Variants in STK32B observed in about 807,000 individuals in gnomAD.
STK32B encodes serine/threonine kinase 32B, also known as serine/threonine-protein kinase 32B.
In STK32B, 43 loss-of-function variants were observed where a neutral mutation model predicts 52.6. The observed-to-expected ratio is 0.82, with a 90% CI of 0.64 to 1.05. The LOEUF (loss-of-function observed/expected upper bound fraction) is 1.05, where lower values mean the gene tolerates loss of function less well. Ranked by LOEUF, STK32B falls within the 50% of genes least tolerant of loss-of-function variation. The probability of loss-of-function intolerance (pLI) is 0.00; values close to 1 mark genes in which losing one functional copy is unlikely to be tolerated. For synonymous variants in STK32B, 238 were observed against 204.3 expected, an observed-to-expected ratio of 1.17 and a Z score of -1.41; for missense variants, 621 against 534.6, an observed-to-expected ratio of 1.16 and a Z score of -1.59.
intron 3 of STK32B, among the ~76,000 whole-genome samples, chr4:5,320,336 T>C (rs1029679898): frequency 2.0e-5 from 3 of 152,186 alleles, no homozygotes; most frequent in Non-Finnish European, 4.4e-5. Flanking sequence ...ATTTTCTTGG[T>C]CCAGTGCCTC....
At chr4:5,230,344 C>T (rs1478548386) in intron 3 of STK32B, among the ~76,000 whole-genome samples, 1 of 151,840 alleles carries the variant, frequency 6.6e-6, no homozygotes, top group Non-Finnish European at 1.5e-5. Flanking sequence ...CGCCTGCCAC[C>T]ACGCTTGGTT....
chr4:5,221,855 A>T (rs1356020982), intron 3 of STK32B, among the ~76,000 whole-genome samples: 1 of 4,752 alleles, frequency 2.1e-4, no homozygotes, highest in Non-Finnish European at 5.0e-4. Context: ...ACTCTGTCTC[A>T]AAAAAAAAAA....
At chr4:5,309,355 T>A (rs985769304) in intron 3 of STK32B, among the ~76,000 whole-genome samples, 8 of 149,046 alleles carry the variant, frequency 5.4e-5, no homozygotes, top group African/African-American at 1.8e-4. Flanking sequence ...AAAATACCAA[T>A]GACATTCATC....
At chr4:5,465,119 C>T (rs561205149) in intron 9 of STK32B, among the ~76,000 whole-genome samples, 31 of 152,258 alleles carry the variant, frequency 2.0e-4, no homozygotes, top group Middle Eastern at 3.4e-3. Flanking sequence ...GAGGCCCAGC[C>T]TCTAGGACTG....
chr4:5,311,206 C>T (rs1283034691), intron 3 of STK32B, among the ~76,000 whole-genome samples: 1 of 152,110 alleles, frequency 6.6e-6, no homozygotes, highest in Non-Finnish European at 1.5e-5. Flanking sequence ...TATATTTTCA[C>T]ATACCTGGAA....
At chr4:5,057,552 G>A (rs952476595) in intron 1 of STK32B, among the ~76,000 whole-genome samples, 5 of 152,282 alleles carry the variant, frequency 3.3e-5, no homozygotes, top group Middle Eastern at 3.4e-3. Flanking sequence ...TTATGGGATC[G>A]TAAAGGGGCC....
At chr4:5,128,796 T>C (rs1462784853) in intron 1 of STK32B, among the ~76,000 whole-genome samples, 1 of 152,196 alleles carries the variant, frequency 6.6e-6, no homozygotes, top group Non-Finnish European at 1.5e-5. Flanking sequence ...CTCTGGCTGC[T>C]ACCGGCTCAG....
At chr4:5,085,227 A>C (rs985729051) in intron 1 of STK32B, among the ~76,000 whole-genome samples, 2 of 152,228 alleles carry the variant, frequency 1.3e-5, no homozygotes. Flanking sequence ...TTGTGTATAA[A>C]ATAGGAAATA....
At chr4:5,459,643 A>C (rs1716874781) in intron 8 of STK32B, among the ~76,000 whole-genome samples, 1 of 152,228 alleles carries the variant, frequency 6.6e-6, no homozygotes, top group African/African-American at 2.4e-5. Context: ...CCCCTTGGCT[A>C]CAAATGAGGC....
At chr4:5,068,266 T>C (rs1385072543) in intron 1 of STK32B, among the ~76,000 whole-genome samples, 1 of 152,138 alleles carries the variant, frequency 6.6e-6, no homozygotes, top group African/African-American at 2.4e-5. Flanking sequence ...TAGTTTTTCA[T>C]CCCTCACTCC....
chr4:5,178,513 A>G (rs1720100520), intron 3 of STK32B, among the ~76,000 whole-genome samples: 1 of 152,178 alleles, frequency 6.6e-6, no homozygotes, highest in Non-Finnish European at 1.5e-5. Context: ...TACTTATGCA[A>G]ATTTCTACAG....
At chr4:5,079,888 A>T (rs1044105969) in intron 1 of STK32B, among the ~76,000 whole-genome samples, 2 of 152,102 alleles carry the variant, frequency 1.3e-5, no homozygotes, top group Non-Finnish European at 2.9e-5. Context: ...CCATGATCTC[A>T]CTTATATGTG....
At chr4:5,408,238 C>G (rs912538898) in intron 5 of STK32B, among the ~76,000 whole-genome samples, 4 of 152,162 alleles carry the variant, frequency 2.6e-5, no homozygotes, top group African/African-American at 7.2e-5. Context: ...TCCCCCAAAT[C>G]TCATGTCAAA....
At chr4:5,206,407 A>G (rs978072905) in intron 3 of STK32B, among the ~76,000 whole-genome samples, 1 of 152,124 alleles carries the variant, frequency 6.6e-6, no homozygotes, top group African/African-American at 2.4e-5. Flanking sequence ...GAGAGCCTCC[A>G]TACCCCTCGG....
intron 3 of STK32B, among the ~76,000 whole-genome samples, chr4:5,177,350 C>A (rs556784551): frequency 1.4e-4 from 22 of 152,282 alleles, no homozygotes; most frequent in Non-Finnish European, 2.8e-4. Context: ...ATCACCAGAA[C>A]AGCATGGGGG....
intron 2 of STK32B, among the ~76,000 whole-genome samples, chr4:5,157,638 C>CAT (rs1285920120): frequency 6.6e-6 from 1 of 152,196 alleles, no homozygotes; most frequent in East Asian, 1.9e-4. Flanking sequence ...AGCAGTGGAG[C>CAT]ATGTAGCAGG....
intron 2 of STK32B, among the ~76,000 whole-genome samples, chr4:5,160,950 A>G (rs1327571396): frequency 6.6e-6 from 1 of 152,148 alleles, no homozygotes; most frequent in Non-Finnish European, 1.5e-5. Flanking sequence ...GATGCCTGAG[A>G]ACAGCATGGC....
chr4:5,457,217 T>TTC (rs1553893902), intron 8 of STK32B, among the ~76,000 whole-genome samples: 3 of 147,250 alleles, frequency 2.0e-5, no homozygotes, highest in Admixed American at 6.7e-5. Context: ...TTTTTCTTTT[T>TTC]TTTTTTTTTT....
rs1411185210 is a variant in STK32B, at chr4:5,466,785, G to A, written c.992G>A (p.Arg331Gln). 2.5e-6 allele frequency: 4 copies of A among 1,614,022 alleles called. No homozygotes were observed. Among genetic ancestry groups the A allele is most frequent in the East Asian group, 4.5e-5 (2 of 44,876 alleles). ...ESKPLHKKKKRLAKNRSRDGT... is the reference protein window; with the variant it reads ...ESKPLHKKKKQLAKNRSRDGT... ...AAGCCACTTCACAAAAAGAAGAAGCGATTGGCAAAGAACAGATCCAGGGAT... is the reference window on the plus strand; with the variant it reads ...AAGCCACTTCACAAAAAGAAGAAGCAATTGGCAAAGAACAGATCCAGGGAT... Residue 331 changes from arginine to glutamine, a missense_variant, in exon 10 of 12, where the codon CGA becomes CAA. Physicochemically the swap from Arg to Gln is conservative, Grantham distance 43. Transcript: ENST00000282908.
Sources: gnomAD v4.1 joint callset for allele counts (sites outside exome capture counted in the v4.1 genomes callset) on GRCh38, gnomAD v4.1.1 for gene constraint, MANE v1.5 for transcripts, NCBI Gene and HGNC (gene_info 2026-07-23, HGNC 2026-07-21) for gene names.